Variants in RASGRF1 observed in about 807,000 individuals in gnomAD.
RASGRF1 encodes the protein Ras protein specific guanine nucleotide releasing factor 1.
RASGRF1 carries 40 observed loss-of-function variants against 138.7 expected under a neutral mutation model. The observed-to-expected ratio is 0.29, with a 90% CI of 0.22 to 0.38. The LOEUF is 0.38. RASGRF1 is among the 10% of genes least tolerant of loss of function. The pLI is 1.00. For missense variants in RASGRF1, 1,108 were observed against 1,650.4 expected (o/e 0.67, Z 5.69); for synonymous variants, 614 against 663.2 (o/e 0.93, Z 1.14).
intron 10 of RASGRF1, 66 bp downstream of exon 10, chr15:79,025,248 T>C (rs937222125): frequency 6.4e-5 from 96 of 1,489,274 alleles, no homozygotes; most frequent in Non-Finnish European, 8.1e-5. Context: ...ATAGACCCTC[T>C]GGCCAGGACA....
At chr15:79,053,046 A>T (rs2057453943) in intron 3 of RASGRF1, among the ~76,000 whole-genome samples, 2 of 152,050 alleles carry the variant, frequency 1.3e-5, no homozygotes, top group African/African-American at 4.8e-5. Flanking sequence ...GCAGGTGATC[A>T]CCTGAGGTCT....
intron 4 of RASGRF1, 140 bp downstream of exon 4, chr15:79,049,356 G>A (rs2057398024): frequency 2.7e-6 from 2 of 752,310 alleles, no homozygotes; most frequent in Non-Finnish European, 4.5e-6. Context: ...GGGAGTGTGG[G>A]CTCTGTCTTT....
chr15:78,993,193 C>T (rs371364655), intron 20 of RASGRF1, among the ~76,000 whole-genome samples: 19 of 64,328 alleles, frequency 3.0e-4, no homozygotes, highest in East Asian at 1.4e-3. Flanking sequence ...TGTGGTGTGG[C>T]GTGTGTATGT....
intron 1 of RASGRF1, among the ~76,000 whole-genome samples, chr15:79,067,130 G>A (rs530584803): frequency 6.6e-6 from 1 of 152,296 alleles, no homozygotes; most frequent in South Asian, 2.1e-4. Context: ...AAGTGAAGTG[G>A]CCAGTTTATG....
Position 78,973,238 on chromosome 15 carries a change from G to A in RASGRF1, c.3612+65C>T, listed in dbSNP as rs1567426395. 1.5e-6 allele frequency: 2 copies of A among 1,319,508 alleles called. No homozygotes were observed. The highest frequency in any genetic ancestry group is 1.4e-5 in the South Asian group (1 of 73,584). 81.7% of individuals were successfully genotyped at this position (1,319,508 alleles called of 1,614,324 possible). On this transcript the variant is annotated intron_variant, in intron 25 of 26. Transcript: ENST00000558480. This position sits in a 1 kb window ranked among gnomAD's most constrained non-coding sequence, Gnocchi z 4.9. ...GGCCTTGGGGGGCAGAGTGTGGGTG[G>A]GCCCCAGGTTGAGTCATCTGGGCTT...
chr15:79,063,294 C>G (rs148257556), intron 2 of RASGRF1, among the ~76,000 whole-genome samples: 260 of 152,304 alleles, frequency 1.7e-3, no homozygotes, highest in African/African-American at 5.9e-3. Flanking sequence ...AGAATGGATA[C>G]CCCTTGAGGA....
At chr15:78,969,525 C>T (rs1313812157) in intron 26 of RASGRF1, among the ~76,000 whole-genome samples, 4 of 152,028 alleles carry the variant, frequency 2.6e-5, no homozygotes, top group East Asian at 1.9e-4. Context: ...AAAAATTAGC[C>T]GGGCGTGGTG....
At position 79,006,898 on chromosome 15, in the gene RASGRF1, G is replaced by C. The variant is rs1333173546; in HGVS notation, c.1827-464C>G. Among the ~76,000 whole-genome samples the C allele has an allele frequency of 6.6e-6, 1 of 152,162 alleles. No individual in the cohort carries two copies. The highest frequency in any genetic ancestry group is 1.9e-4 in the East Asian group (1 of 5,196). Reference sequence around the variant, plus strand: ...GTGGTGGCCCATACCTGTAATACCAGTTACTAGGGAGGCTGAGGCACAAGA... The same window carrying C: ...GTGGTGGCCCATACCTGTAATACCACTTACTAGGGAGGCTGAGGCACAAGA... On this transcript the variant is annotated intron_variant, in intron 13 of 26. Transcript: ENST00000558480. The surrounding 1 kb of genome is among the most constrained non-coding windows in gnomAD (Gnocchi z 4.0).
chr15:79,086,317 G>A (rs905377962), intron 1 of RASGRF1, among the ~76,000 whole-genome samples: 1 of 152,200 alleles, frequency 6.6e-6, no homozygotes, highest in African/African-American at 2.4e-5. Flanking sequence ...AGGAGGGTGT[G>A]CTTTGTGGTG....
At position 79,063,751 on chromosome 15, in the gene RASGRF1, C is replaced by G. The variant is rs140685302; in HGVS notation, c.383+669G>C. Among the ~76,000 whole-genome samples the G allele has an allele frequency of 3.2e-3, 495 of 152,316 alleles. 1 individual carries two copies. The highest frequency in any genetic ancestry group is 0.011 in the African/African-American group (449 of 41,566). ...AACGTAAGTCTGGGTGCTGCTGCCCCTAACCATGTTCAGCTCTGCCAGGCG... is the reference window on the plus strand; with the variant it reads ...AACGTAAGTCTGGGTGCTGCTGCCCGTAACCATGTTCAGCTCTGCCAGGCG... On this transcript the variant is annotated intron_variant, in intron 2 of 26. Coordinates refer to ENST00000558480, the MANE Select transcript of RASGRF1 (RefSeq NM_001145648.3).
intron 5 of RASGRF1, among the ~76,000 whole-genome samples, chr15:79,040,609 T>C (rs1262803910): frequency 1.3e-5 from 2 of 152,010 alleles, no homozygotes; most frequent in Admixed American, 6.6e-5. Context: ...CCACCCCCTT[T>C]GTTCACATAG....
chr15:79,084,338 C>T (rs943344761), intron 1 of RASGRF1, among the ~76,000 whole-genome samples: 1 of 151,466 alleles, frequency 6.6e-6, no homozygotes, highest in Admixed American at 6.6e-5. Context: ...AATTCAACTT[C>T]CCAGTGCTGG....
intron 13 of RASGRF1, among the ~76,000 whole-genome samples, chr15:79,007,999 C>T (rs12915587): frequency 0.072 from 10,885 of 152,028 alleles, 527 homozygotes; most frequent in Middle Eastern, 0.12. Flanking sequence ...TGCGCCACCA[C>T]GCCCAGCTAA....
intron 20 of RASGRF1, among the ~76,000 whole-genome samples, chr15:78,993,710 C>T (rs56378114): frequency 0.26 from 39,777 of 151,800 alleles, 5,262 homozygotes; most frequent in African/African-American, 0.28. Flanking sequence ...GGCTGAACTG[C>T]CAGGGCCAAG....
intron 5 of RASGRF1, among the ~76,000 whole-genome samples, chr15:79,039,215 G>A (rs1188400453): frequency 2.8e-5 from 4 of 145,140 alleles, no homozygotes; most frequent in African/African-American, 1.0e-4. Context: ...AGGGTGGCTT[G>A]AGCCCAGGAG....
chr15:78,971,292 C>T (rs944885344), intron 26 of RASGRF1, among the ~76,000 whole-genome samples: 1 of 152,090 alleles, frequency 6.6e-6, no homozygotes, highest in African/African-American at 2.4e-5. Context: ...AGAGGATTGG[C>T]TAAATAGATT....
intron 13 of RASGRF1, among the ~76,000 whole-genome samples, chr15:79,009,515 C>T (rs1443186327): frequency 6.6e-6 from 1 of 152,072 alleles, no homozygotes; most frequent in African/African-American, 2.4e-5. Flanking sequence ...AGCATCCAGC[C>T]CAGACCTGGC....
At chr15:79,081,609 G>A (rs1305270754) in intron 1 of RASGRF1, among the ~76,000 whole-genome samples, 1 of 152,154 alleles carries the variant, frequency 6.6e-6, no homozygotes, top group African/African-American at 2.4e-5. Flanking sequence ...CCAGGGCTGG[G>A]GGAAGTGCCC....
At chr15:79,017,987 TA>T in intron 11 of RASGRF1, 81 bp from the exon 12 acceptor site, 1 of 1,548,600 alleles carries the variant, frequency 6.5e-7, no homozygotes, top group Non-Finnish European at 8.8e-7. Context: ...GTCCCTGTCG[TA>T]CGTACCAGTG....
Sources: allele counts gnomAD v4.1 joint callset (sites outside exome capture counted in the v4.1 genomes callset), GRCh38; gene constraint gnomAD v4.1.1; non-coding constraint Gnocchi (gnomAD v3.1); transcripts MANE v1.5; gene names NCBI Gene and HGNC (gene_info 2026-07-23, HGNC 2026-07-21).